HSDL1: variants seen among roughly 807,000 people sequenced by gnomAD.
The protein encoded by HSDL1 is inactive hydroxysteroid dehydrogenase-like protein 1.
Under a neutral mutation model 31.5 loss-of-function variants are expected in HSDL1, and 29 were observed. That is an observed-to-expected ratio of 0.92 (90% CI 0.69 to 1.26). The LOEUF (loss-of-function observed/expected upper bound fraction) is 1.26. HSDL1 is among the 50% of genes most tolerant of loss of function. The pLI is 0.00. For missense variants in HSDL1, 503 were observed against 416.6 expected (o/e 1.21, Z -1.81); for synonymous variants, 222 against 155.2 (o/e 1.43, Z -3.20).
In HSDL1 at chr16:84,131,327, C is replaced by A. The variant is rs1946876992; in HGVS notation, c.-6G>T. On this transcript the variant is annotated splice_region_variant and 5_prime_UTR_variant, in exon 3 of 6. Transcript: ENST00000219439. The stretch of plus-strand genomic sequence containing the variant: ...AAACTGTCAACAGCAGCCATGGCAA[C>A]CTGCAGGGAGAGGGAAAGAGAGAGA... 2 of 1,606,062 alleles carry A rather than the reference C, an allele frequency of 1.2e-6. No individual in the cohort carries two copies. The highest frequency in any genetic ancestry group is 1.7e-6 in the Non-Finnish European group (2 of 1,173,120).
rs2086570588 is a variant in HSDL1, at chr16:84,123,082, C to T, written c.*1548G>A. On this transcript the variant is annotated 3_prime_UTR_variant, in exon 6 of 6. Coordinates refer to ENST00000219439, the MANE Select transcript of HSDL1 (RefSeq NM_031463.5). ...AGCAAACTCCATCAAAACCTTGGGGCTCACAGCATCTCCCAGTGTGTAGAT... is the reference window on the plus strand; with the variant it reads ...AGCAAACTCCATCAAAACCTTGGGGTTCACAGCATCTCCCAGTGTGTAGAT... 1 of 152,172 alleles carries T rather than the reference C, an allele frequency of 6.6e-6. No homozygotes were observed. The highest frequency in any genetic ancestry group is 2.4e-5 in the African/African-American group (1 of 41,428). The allele number at this position is 152,172 out of a possible 1,614,324, so 9.4% of individuals were successfully genotyped here. A position where few individuals can be genotyped will look rare whatever the true frequency, so the allele number is the denominator to read the frequency against.
chr16:84,143,312 C>G (rs1044355226), intron 1 of HSDL1, among the ~76,000 whole-genome samples: 1 of 152,168 alleles, frequency 6.6e-6, no homozygotes, highest in African/African-American at 2.4e-5. Context: ...CATGGATAAA[C>G]TTTGAAAACA....
chr16:84,130,430 A>C lies in HSDL1; in HGVS notation c.222T>G (p.Gly74=). The part of the protein sequence containing the change: ...KQYGRWAVVS[G]ATDGIGKAYA... ...AGGCTTTTCCAATCCCATCTGTTGC[A>C]CCTAGGATGCAAGTCAGGAAAAGTG... is the stretch of plus-strand genomic sequence containing the variant. Residue 74 remains glycine (G), a splice_region_variant and synonymous_variant, in exon 4 of 6, where the codon GGT becomes GGG. Coordinates refer to ENST00000219439, the MANE Select transcript of HSDL1 (RefSeq NM_031463.5). The C allele has an allele frequency of 1.2e-6, 2 of 1,602,150 alleles. No individual in the cohort carries two copies.
At chr16:84,127,899 T>A (rs978796234) in intron 5 of HSDL1, among the ~76,000 whole-genome samples, 4 of 151,272 alleles carry the variant, frequency 2.6e-5, no homozygotes, top group Non-Finnish European at 5.9e-5. Context: ...TTTTGTATTT[T>A]TAATAGAGAC....
chr16:84,133,317 G>A (rs1597376201), intron 2 of HSDL1, among the ~76,000 whole-genome samples: 1 of 152,152 alleles, frequency 6.6e-6, no homozygotes, highest in Non-Finnish European at 1.5e-5. Flanking sequence ...GAAGCAGTAG[G>A]ATTCCTAAAT....
Position 84,131,285 on chromosome 16 carries a change from C to A in HSDL1, c.37G>T (p.Glu13Ter), listed in dbSNP as rs1195757969. The part of the protein sequence containing the change: ...AVDSFYLLYR[E>*]IARSCNCYME... Reference sequence around the variant, plus strand: ...TAGCAATTGCAAGACCTGGCGATTTCCCTGTACAAGAGGTAGAAACTGTCA... The same window carrying A: ...TAGCAATTGCAAGACCTGGCGATTTACCTGTACAAGAGGTAGAAACTGTCA... Residue 13 changes from glutamate (E) to a stop codon, truncating the protein, a stop_gained, in exon 3 of 6, where the codon GAA (glutamate) becomes TAA (stop). Coordinates refer to ENST00000219439, the MANE Select transcript of HSDL1 (RefSeq NM_031463.5). LOFTEE classifies it high-confidence loss of function. 1 of 1,614,142 alleles carries A rather than the reference C, an allele frequency of 6.2e-7. No individual in the cohort carries two copies. The highest frequency in any genetic ancestry group is 1.1e-5 in the South Asian group (1 of 91,082).
In HSDL1 at chr16:84,129,734, A is replaced by G. The variant is rs771006301; in HGVS notation, c.708T>C (p.Tyr236=). 6.2e-7 allele frequency: 1 copy of G among 1,614,238 alleles called. No individual in the cohort carries two copies. Among genetic ancestry groups the G allele is most frequent in the Non-Finnish European group, 8.5e-7 (1 of 1,180,028 alleles). The change falls in exon 5 of 6, where the codon TAT becomes TAC. Residue 236 remains tyrosine, a synonymous_variant. Transcript: ENST00000219439. ...DHFSRALQYE[Y]ASKGIFVQSL... The stretch of plus-strand genomic sequence containing the variant: ...TCTGTACAAAGATTCCTTTAGAGGC[A>G]TATTCATATTGCAAGGCTCTGCTGA...
chr16:84,135,359 C>T (rs890202196), intron 2 of HSDL1, among the ~76,000 whole-genome samples, 185 bp downstream of exon 2: 14 of 144,944 alleles, frequency 9.7e-5, no homozygotes, highest in Non-Finnish European at 1.4e-4. Flanking sequence ...GTAAGGCTCT[C>T]GCTACAAAAA....
At chr16:84,135,428 C>G (rs1400009050) in intron 2 of HSDL1, 116 bp downstream of exon 2, 1 of 151,940 alleles carries the variant, frequency 6.6e-6, no homozygotes, top group African/African-American at 2.4e-5. Context: ...TCCTTAAGCC[C>G]GATTTTTTTC....
chr16:84,137,116 G>A (rs905778892), intron 1 of HSDL1, among the ~76,000 whole-genome samples: 1 of 152,192 alleles, frequency 6.6e-6, no homozygotes, highest in Non-Finnish European at 1.5e-5. Context: ...CCAGGACTCC[G>A]TGCCACCCGG....
At chr16:84,130,604 G>A (rs1212431380) in intron 3 of HSDL1, among the ~76,000 whole-genome samples, 173 bp from the exon 4 acceptor site, 3 of 152,148 alleles carry the variant, frequency 2.0e-5, no homozygotes, top group East Asian at 1.9e-4. Context: ...TGTGAAGGGC[G>A]CATGCTATAC....
Position 84,130,098 on chromosome 16 carries a change from A to G in HSDL1, c.554T>C (p.Val185Ala), listed in dbSNP as rs757544173. 3 of 1,614,154 alleles carry G rather than the reference A, an allele frequency of 1.9e-6. No individual in the cohort carries two copies. Among genetic ancestry groups the G allele is most frequent in the Admixed American group, 3.3e-5 (2 of 60,016 alleles). Residue 185 changes from valine (V) to alanine (A), a missense_variant, in exon 4 of 6, where the codon GTC becomes GCC. Coordinates refer to ENST00000219439, the MANE Select transcript of HSDL1 (RefSeq NM_031463.5). ...NVNIAAASLM[V>A]HVVLPGMVER... ...CACCATTCCCGGTAACACAACATGG[A>G]CCATCAAACTAGCGGCGGCAATGTT...
rs71148881 is a variant in HSDL1, at chr16:84,127,209, CTT to C, written c.894+2337_894+2338del. On this transcript the variant is annotated intron_variant, in intron 5 of 5. Coordinates refer to ENST00000219439, the MANE Select transcript of HSDL1 (RefSeq NM_031463.5). Reference sequence around the variant, plus strand: ...AACTACTTAAATAAAACTGTTTCTTCTTTTTTTTTTTTTTTTTTTTTTTTTGA... The same window carrying C: ...AACTACTTAAATAAAACTGTTTCTTCTTTTTTTTTTTTTTTTTTTTTTTGA... 8.2e-3 allele frequency among the ~76,000 whole-genome samples: 766 copies of C among 93,330 alleles called. 3 individuals carry two copies. Among genetic ancestry groups the C allele is most frequent in the Middle Eastern group, 0.026 (4 of 152 alleles). The allele number at this position is 93,330 out of a possible 152,430, so 61.2% of individuals were successfully genotyped here.
intron 1 of HSDL1, among the ~76,000 whole-genome samples, chr16:84,139,760 G>A (rs1343499905): frequency 6.6e-6 from 1 of 152,138 alleles, no homozygotes; most frequent in Non-Finnish European, 1.5e-5. Flanking sequence ...GTGTATTCAG[G>A]AGCCAGAAAG....
At chr16:84,132,903 C>T (rs2086681417) in intron 2 of HSDL1, among the ~76,000 whole-genome samples, 1 of 149,336 alleles carries the variant, frequency 6.7e-6, no homozygotes, top group East Asian at 2.0e-4. Flanking sequence ...CTAAAAAGAA[C>T]ATGATTTTAA....
intron 2 of HSDL1, among the ~76,000 whole-genome samples, chr16:84,133,670 A>C (rs1295263995): frequency 6.6e-6 from 1 of 152,198 alleles, no homozygotes; most frequent in Non-Finnish European, 1.5e-5. Context: ...AGGAAGTTAC[A>C]GTGAGCCGAG....
chr16:84,124,765 C>A, intron 5 of HSDL1, 37 bp from the exon 6 acceptor site: 1 of 1,455,872 alleles, frequency 6.9e-7, no homozygotes. Context: ...AAGGTTAGAA[C>A]CCAAAATCAA....
chr16:84,135,212 G>A (rs1289002915), intron 2 of HSDL1, among the ~76,000 whole-genome samples: 1 of 150,274 alleles, frequency 6.7e-6, no homozygotes, highest in South Asian at 2.1e-4. Flanking sequence ...CAGCCTGGAC[G>A]ACAGAGGGAG....
chr16:84,141,568 A>G (rs151328910), intron 1 of HSDL1, among the ~76,000 whole-genome samples: 1 of 152,378 alleles, frequency 6.6e-6, no homozygotes, highest in East Asian at 1.9e-4. Context: ...GTCCACATGC[A>G]TTCCACTGCC....
Sources: allele counts gnomAD v4.1 joint callset (sites outside exome capture counted in the v4.1 genomes callset), GRCh38; gene constraint gnomAD v4.1.1; transcripts MANE v1.5; gene names NCBI Gene and HGNC (gene_info 2026-07-23, HGNC 2026-07-21).